The following COPB2 variants were observed in gnomAD, a reference collection of about 807,000 sequenced individuals.
COPB2 encodes coatomer subunit beta'.
A neutral mutation model predicts 120.8 loss-of-function variants in COPB2; 16 were observed. The ratio of observed to expected loss-of-function variants is 0.13; its 90% confidence interval spans 0.09 to 0.20. COPB2 has a LOEUF of 0.20. Ranked by LOEUF, COPB2 falls within the 10% of genes least tolerant of loss-of-function variation. COPB2 has a pLI of 1.00. For synonymous variants in COPB2, 332 were observed against 366.3 expected, an observed-to-expected ratio of 0.91 and a Z score of 1.07; for missense variants, 794 against 1,076.5, an observed-to-expected ratio of 0.74 and a Z score of 3.67.
Position 139,371,775 on chromosome 3 carries a change from T to G in COPB2, c.1153A>C (p.Asn385His), listed in dbSNP as rs1333745839. 1.2e-6 allele frequency: 2 copies of G among 1,613,980 alleles called. No homozygotes were observed. Among genetic ancestry groups the G allele is most frequent in the Non-Finnish European group, 1.7e-6 (2 of 1,179,926 alleles). ...YIIYTAMALR[N>H]KSFGSAQEFA... is the part of the protein sequence containing the mutation. ...TCCTGAGCAGATCCAAAGCTCTTGTTTCTCAATGCCATTGCTGTGTAGATG... is the reference window on the plus strand; with the variant it reads ...TCCTGAGCAGATCCAAAGCTCTTGTGTCTCAATGCCATTGCTGTGTAGATG... Residue 385 changes from asparagine (N) to histidine (H), a missense_variant, in exon 10 of 22, where the codon AAC becomes CAC. This residue lies in a region of COPB2 where 610 missense variants were observed against 866.7 expected (regional missense o/e 0.70). Coordinates refer to ENST00000333188, the MANE Select transcript of COPB2 (RefSeq NM_004766.3).
Position 139,368,161 on chromosome 3 carries a change from A to G in COPB2, c.1529T>C (p.Ile510Thr), listed in dbSNP as rs372003421. Residue 510 changes from isoleucine to threonine, a missense_variant, in exon 13 of 22, where the codon ATT (isoleucine) becomes ACT (threonine). Transcript: ENST00000333188. ...TGCAATTACCTCAAAGGCATCTTCAATGCCATCTTCAGTAACTCCCTCATG... is the reference window on the plus strand; with the variant it reads ...TGCAATTACCTCAAAGGCATCTTCAGTGCCATCTTCAGTAACTCCCTCATG... ...ETHEGVTEDG[I>T]EDAFEVLGEI... 49 of 1,613,552 alleles carry G rather than the reference A, an allele frequency of 3.0e-5. 1 individual carries two copies. The Middle Eastern group carries it at 3.8e-3, about 125-fold the overall frequency.
At chr3:139,388,493 T>G (rs1033544187) in intron 1 of COPB2, 1 of 66,946 alleles carries the variant, frequency 1.5e-5, no homozygotes, top group African/African-American at 3.0e-5. Flanking sequence ...ATTCCTAACT[T>G]TTTCCTAGTT....
At chr3:139,380,592 C>A (rs941158613) in intron 2 of COPB2, 1 of 152,008 alleles carries the variant, frequency 6.6e-6, no homozygotes, top group African/African-American at 2.4e-5. Flanking sequence ...ATTTTCTAAT[C>A]CTTTTTTGTA....
intron 12 of COPB2, among the ~76,000 whole-genome samples, chr3:139,369,031 C>T (rs1328695108): frequency 6.6e-6 from 1 of 152,226 alleles, no homozygotes; most frequent in Non-Finnish European, 1.5e-5. Flanking sequence ...CTGCCACTTA[C>T]CTCCAATTGC....
intron 4 of COPB2, 78 bp from the exon 5 acceptor site, chr3:139,378,267 GCAAACCTAACACAAAC>G: frequency 7.4e-7 from 1 of 1,346,302 alleles, no homozygotes; most frequent in Admixed American, 2.0e-5. Context: ...TTTAGAAGAA[GCAAACCTAACACAAAC>G]CATATAATCC....
At chr3:139,362,652 C>G (rs897032206) in intron 15 of COPB2, 135 bp from the exon 16 acceptor site, 7 of 369,130 alleles carry the variant, frequency 1.9e-5, no homozygotes, top group African/African-American at 1.1e-4. Flanking sequence ...AAACTAGAAA[C>G]CCCACTATTT....
At chr3:139,389,447 G>T in intron 1 of COPB2, 101 bp downstream of exon 1, 1 of 1,380,062 alleles carries the variant, frequency 7.2e-7, no homozygotes, top group East Asian at 2.8e-5. Context: ...CGGCCGCAGC[G>T]GGAGCCCAGA....
chr3:139,375,481 A>G lies in COPB2; in HGVS notation c.638T>C (p.Ile213Thr), dbSNP rs777507799. Residue 213 changes from isoleucine to threonine, a missense_variant, in exon 6 of 22, where the codon ATA becomes ACA. Physicochemically the swap from Ile to Thr is moderately conservative, Grantham distance 89. Around this residue, in one of 3 missense-constraint regions of COPB2, gnomAD observed 610 missense variants for 866.7 expected, o/e 0.70. Coordinates refer to ENST00000333188, the MANE Select transcript of COPB2 (RefSeq NM_004766.3). ...ISGADDRLVK[I>T]WDYQNKTCVQ... ...GAAAAACTGTACCTGATAATCCCAT[A>G]TTTTAACAAGACGGTCATCTGCACC... 8 of 1,613,228 alleles carry G rather than the reference A, an allele frequency of 5.0e-6. No homozygotes were observed. Among genetic ancestry groups the G allele is most frequent in the Non-Finnish European group, 5.9e-6 (7 of 1,179,354 alleles).
intron 6 of COPB2, 30 bp downstream of exon 6, chr3:139,375,438 A>G (rs765451781): frequency 1.3e-6 from 2 of 1,598,820 alleles, no homozygotes; most frequent in Admixed American, 3.4e-5. Context: ...CATATCTAAC[A>G]TATGGAAGTA....
chr3:139,389,051 G>C (rs964303550), intron 1 of COPB2, among the ~76,000 whole-genome samples: 1 of 152,078 alleles, frequency 6.6e-6, no homozygotes, highest in African/African-American at 2.4e-5. Flanking sequence ...AAACCTAACA[G>C]CTGAGATATC....
intron 1 of COPB2, chr3:139,388,379 A>G (rs970881057): frequency 1.4e-5 from 2 of 142,640 alleles, no homozygotes; most frequent in Non-Finnish European, 3.0e-5. Flanking sequence ...AAACAAATTA[A>G]AAAAAAAAAG....
chr3:139,389,657 C>A, upstream of COPB2: 2 of 1,220,184 alleles, frequency 1.6e-6, no homozygotes, highest in Admixed American at 4.9e-5. Flanking sequence ...GTGGAACTTC[C>A]GGGAGCCGAT....
At chr3:139,389,498 T>C in intron 1 of COPB2, 50 bp downstream of exon 1, 1 of 1,523,814 alleles carries the variant, frequency 6.6e-7, no homozygotes, top group Non-Finnish European at 8.9e-7. Flanking sequence ...GCTCCAGGAA[T>C]CGGCCGTAAC....
chr3:139,364,976 T>C (rs1344461545), intron 15 of COPB2, among the ~76,000 whole-genome samples: 1 of 152,142 alleles, frequency 6.6e-6, no homozygotes, highest in Non-Finnish European at 1.5e-5. Flanking sequence ...AAATATATCA[T>C]TCATATCTGT....
chr3:139,366,854 C>A, intron 14 of COPB2, 79 bp from the exon 15 acceptor site: 1 of 1,515,164 alleles, frequency 6.6e-7, no homozygotes. Flanking sequence ...CTCCCTCTTG[C>A]TCAAAACCTT....
chr3:139,360,954 T>C, intron 17 of COPB2, 127 bp downstream of exon 17: 1 of 1,005,078 alleles, frequency 9.9e-7, no homozygotes, highest in Non-Finnish European at 1.5e-6. Context: ...ACTGTCCTGT[T>C]CTGACTGCCC....
Position 139,383,430 on chromosome 3 carries a change from C to T in COPB2, c.9G>A (p.Leu3=), listed in dbSNP as rs761116258. The change falls in exon 2 of 22, where the codon CTG becomes CTA. Residue 3 remains leucine, a synonymous_variant. Transcript: ENST00000333188. MP[L]RLDIKRKLTA... Reference sequence around the variant, plus strand: ...TTAGCTTTCTTTTGATATCAAGTCGCAGAGGCTAAAAAGAAACATTAAAAA... The same window carrying T: ...TTAGCTTTCTTTTGATATCAAGTCGTAGAGGCTAAAAAGAAACATTAAAAA... The T allele has an allele frequency of 6.4e-7, 1 of 1,558,650 alleles. No homozygotes were observed. Among genetic ancestry groups the T allele is most frequent in the East Asian group, 2.3e-5 (1 of 43,856 alleles).
At chr3:139,383,077 T>C (rs924192085) in intron 2 of COPB2, 4 of 549,968 alleles carry the variant, frequency 7.3e-6, no homozygotes, top group African/African-American at 1.9e-5. Flanking sequence ...TAAGTCAGAG[T>C]TGTTATATTT....
intron 9 of COPB2, among the ~76,000 whole-genome samples, chr3:139,372,814 C>T (rs781511087): frequency 6.6e-6 from 1 of 152,146 alleles, no homozygotes; most frequent in African/African-American, 2.4e-5. Flanking sequence ...TTTCAAAAGA[C>T]ACATATCTCA....
Sources: allele counts gnomAD v4.1 joint callset (sites outside exome capture counted in the v4.1 genomes callset), GRCh38; gene constraint gnomAD v4.1.1; regional missense constraint gnomAD v4.1.1; transcripts MANE v1.5; gene names NCBI Gene and HGNC (gene_info 2026-07-23, HGNC 2026-07-21).